The following REDIC1 variants were observed in gnomAD, a reference collection of about 807,000 sequenced individuals.
The protein encoded by REDIC1 is regulator of DNA class I crossover intermediates 1.
the REDIC1 span, among the ~76,000 whole-genome samples, chr12:39,717,490 A>G: frequency 6.6e-6 from 1 of 152,048 alleles, no homozygotes; most frequent in Non-Finnish European, 1.5e-5. Flanking sequence ...CATCATCTTC[A>G]TGTTGAGTAG....
the REDIC1 span, among the ~76,000 whole-genome samples, chr12:39,809,110 C>A: frequency 6.6e-6 from 1 of 152,100 alleles, no homozygotes; most frequent in Non-Finnish European, 1.5e-5. Context: ...GAGGTCCATT[C>A]CCTCCACCTT....
chr12:39,658,564 A>G, the REDIC1 span, among the ~76,000 whole-genome samples: 2 of 152,228 alleles, frequency 1.3e-5, no homozygotes, highest in Non-Finnish European at 2.9e-5. Flanking sequence ...TCAGACTGGT[A>G]TAGTGGCTAA....
At chr12:39,638,104 C>CA in the REDIC1 span, among the ~76,000 whole-genome samples, 3 of 151,900 alleles carry the variant, frequency 2.0e-5, no homozygotes, top group East Asian at 1.9e-4. Flanking sequence ...AACAAACAAA[C>CA]AACAACAACA....
chr12:39,728,966 C>T, the REDIC1 span, among the ~76,000 whole-genome samples: 1 of 151,996 alleles, frequency 6.6e-6, no homozygotes, highest in African/African-American at 2.4e-5. Flanking sequence ...TTATAGTATT[C>T]TCTGGTGGTA....
the REDIC1 span, among the ~76,000 whole-genome samples, chr12:39,824,746 A>G: frequency 2.6e-5 from 4 of 152,236 alleles, no homozygotes; most frequent in African/African-American, 7.2e-5. Flanking sequence ...AGTATGCTAC[A>G]TCCAGGGGAG....
chr12:39,887,433 A>G, the REDIC1 span, among the ~76,000 whole-genome samples: 1 of 152,174 alleles, frequency 6.6e-6, no homozygotes, highest in Admixed American at 6.5e-5. Context: ...TCTAGAATCA[A>G]TGAAAATACA....
At chr12:39,764,740 G>C in the REDIC1 span, 1 of 1,612,222 alleles carries the variant, frequency 6.2e-7, no homozygotes, top group Admixed American at 1.7e-5. Context: ...TGTTTACCAG[G>C]TGCAAAGAAG....
At chr12:39,636,406 T>TATCA in the REDIC1 span, among the ~76,000 whole-genome samples, 14 of 152,234 alleles carry the variant, frequency 9.2e-5, no homozygotes, top group African/African-American at 3.4e-4. Flanking sequence ...TTCTAACATA[T>TATCA]ATCATTACTA....
At chr12:39,713,775 G>T in the REDIC1 span, among the ~76,000 whole-genome samples, 1 of 147,836 alleles carries the variant, frequency 6.8e-6, no homozygotes, top group Non-Finnish European at 1.5e-5. Context: ...ATATATATTT[G>T]TACGTAAATA....
the REDIC1 span, among the ~76,000 whole-genome samples, chr12:39,906,129 GAACTTT>G: frequency 4.1e-3 from 2 of 482 alleles, no homozygotes; most frequent in Non-Finnish European, 0.019. Flanking sequence ...TGCAGATACA[GAACTTT>G]GAACTTTGTT....
the REDIC1 span, among the ~76,000 whole-genome samples, chr12:39,668,271 A>G: frequency 6.6e-6 from 1 of 152,070 alleles, no homozygotes; most frequent in African/African-American, 2.4e-5. Context: ...GGTGGTGACA[A>G]AATCTCTCAG....
the REDIC1 span, among the ~76,000 whole-genome samples, chr12:39,774,895 A>G: frequency 9.8e-5 from 15 of 152,298 alleles, no homozygotes; most frequent in East Asian, 2.9e-3. Flanking sequence ...GCAAATTAAA[A>G]CAATGATAAC....
At chr12:39,835,738 A>T in the REDIC1 span, 2 of 152,126 alleles carry the variant, frequency 1.3e-5, no homozygotes, top group African/African-American at 4.8e-5. Flanking sequence ...ACCAATATAT[A>T]TTTATTGAAT....
chr12:39,883,042 T>C, the REDIC1 span, among the ~76,000 whole-genome samples: 1 of 152,146 alleles, frequency 6.6e-6, no homozygotes, highest in Non-Finnish European at 1.5e-5. Flanking sequence ...TTTCCACCTC[T>C]TTTTTCCCTT....
chr12:39,823,084 G>A, the REDIC1 span, among the ~76,000 whole-genome samples: 20 of 152,130 alleles, frequency 1.3e-4, no homozygotes, highest in Admixed American at 1.2e-3. Context: ...TTATTTATGG[G>A]TAGATGAAAC....
At chr12:39,794,645 C>G in the REDIC1 span, among the ~76,000 whole-genome samples, 1 of 152,160 alleles carries the variant, frequency 6.6e-6, no homozygotes, top group Non-Finnish European at 1.5e-5. Context: ...ACTTCACTTC[C>G]ATTTTCTGTA....
chr12:39,878,482 T>C, the REDIC1 span, among the ~76,000 whole-genome samples: 1 of 152,222 alleles, frequency 6.6e-6, no homozygotes, highest in African/African-American at 2.4e-5. Flanking sequence ...ATGTGTATTA[T>C]GCCTTAGCAA....
At chr12:39,713,486 A>G in the REDIC1 span, among the ~76,000 whole-genome samples, 7 of 149,878 alleles carry the variant, frequency 4.7e-5, no homozygotes, top group Non-Finnish European at 8.9e-5. Context: ...ATACATTTAT[A>G]CATTTGTACA....
At chr12:39,707,906 C>CA in the REDIC1 span, among the ~76,000 whole-genome samples, 1 of 151,640 alleles carries the variant, frequency 6.6e-6, no homozygotes, top group African/African-American at 2.4e-5. Flanking sequence ...AAGCCAGGCA[C>CA]AGAAAGACAA....
Sources: gnomAD v4.1 joint callset for allele counts (sites outside exome capture counted in the v4.1 genomes callset) on GRCh38, gnomAD v4.1.1 for gene constraint, MANE v1.5 for transcripts, NCBI Gene and HGNC (gene_info 2026-07-23, HGNC 2026-07-21) for gene names.